The following C1RL variants were observed in gnomAD, a reference collection of about 807,000 sequenced individuals.
The protein encoded by C1RL is complement C1r subcomponent-like protein.
In C1RL, 27 loss-of-function variants were observed where a neutral mutation model predicts 27.9. The observed-to-expected ratio is 0.97, with a 90% CI of 0.71 to 1.33. The LOEUF is 1.33. Ranked by LOEUF, C1RL falls within the 40% of genes most tolerant of loss-of-function variation. The probability of loss-of-function intolerance (pLI) is 0.00; values close to 1 mark genes in which losing one functional copy is unlikely to be tolerated. For synonymous variants in C1RL, 248 were observed against 252.1 expected (o/e 0.98, Z 0.15); for missense variants, 563 against 623.9 (o/e 0.90, Z 1.04).
chr12:7,096,281 C>CA lies in C1RL; in HGVS notation c.*109_*110insT. The CA allele has an allele frequency of 2.6e-6, 1 of 389,914 alleles. No homozygotes were observed. 24.2% of individuals were successfully genotyped at this position (389,914 alleles called of 1,614,324 possible). Reference sequence around the variant, plus strand: ...TGATGTGAATAGGATTTCCCTGCCTCCCCCAACCCCCCACCCCCAACCCCT... The same window carrying CA: ...TGATGTGAATAGGATTTCCCTGCCTCACCCCAACCCCCCACCCCCAACCCCT... On this transcript the variant is annotated 3_prime_UTR_variant, in exon 6 of 6. Transcript: ENST00000266542.
intron 5 of C1RL, among the ~76,000 whole-genome samples, chr12:7,098,718 A>G (rs1938525190): frequency 6.6e-6 from 1 of 152,236 alleles, no homozygotes; most frequent in African/African-American, 2.4e-5. Context: ...ATGGCCACAC[A>G]TTATATGATT....
intron 3 of C1RL, among the ~76,000 whole-genome samples, chr12:7,100,758 G>T (rs569530413): frequency 1.3e-5 from 2 of 152,294 alleles, no homozygotes; most frequent in East Asian, 3.9e-4. Context: ...CTGCACTCCA[G>T]CCTGGGCAAT....
chr12:7,102,686 T>A (rs1412994800), intron 2 of C1RL, among the ~76,000 whole-genome samples: 1 of 152,190 alleles, frequency 6.6e-6, no homozygotes. Flanking sequence ...GCCCCTCCTC[T>A]TATCCCATGC....
Position 7,096,898 on chromosome 12 carries a change from G to A in C1RL, c.957C>T (p.Val319=), listed in dbSNP as rs1565634719. ...DEMLKLGNHP[V]HRVVVHPDYR... ...AGTCGGGGTGCACAACGACACGGTG[G>A]ACAGGGTGGTTCCCCAGTTTCAGCA... The change falls in exon 6 of 6, where the codon GTC becomes GTT. Residue 319 remains valine, a synonymous_variant. Transcript: ENST00000266542. 1 of 1,601,600 alleles carries A rather than the reference G, an allele frequency of 6.2e-7. No homozygotes were observed. The highest frequency in any genetic ancestry group is 1.7e-5 in the Admixed American group (1 of 59,326).
At chr12:7,097,346 G>A in intron 5 of C1RL, 183 bp from the exon 6 acceptor site, 2 of 569,720 alleles carry the variant, frequency 3.5e-6, no homozygotes, top group East Asian at 3.2e-5. Context: ...GTACTTGCGC[G>A]ATCTCGGCTC....
intron 2 of C1RL, 50 bp downstream of exon 2, chr12:7,108,201 G>T: frequency 7.1e-7 from 1 of 1,416,594 alleles, no homozygotes. Context: ...ACAACCCCGG[G>T]AATCTCCCTG....
chr12:7,102,610 TA>T (rs1218061033), intron 2 of C1RL, among the ~76,000 whole-genome samples: 3 of 152,222 alleles, frequency 2.0e-5, no homozygotes, highest in African/African-American at 4.8e-5. Context: ...TGTGAGGCAG[TA>T]ATACCCTCTG....
chr12:7,100,112 GCA>G, intron 3 of C1RL, 86 bp from the exon 4 acceptor site: 1 of 1,315,260 alleles, frequency 7.6e-7, no homozygotes, highest in Non-Finnish European at 1.0e-6. Context: ...GGTTTGACTT[GCA>G]CAGTGTTTTA....
chr12:7,107,732 C>T (rs936772530), intron 2 of C1RL, among the ~76,000 whole-genome samples: 1 of 152,220 alleles, frequency 6.6e-6, no homozygotes, highest in Non-Finnish European at 1.5e-5. Flanking sequence ...CCTGACTATA[C>T]TGCTGGGACT....
chr12:7,101,111 CTCCCTCCCTCCCTCCTTCT>C (rs1938608588), intron 3 of C1RL, among the ~76,000 whole-genome samples: 2 of 11,150 alleles, frequency 1.8e-4, no homozygotes, highest in African/African-American at 7.4e-4. Flanking sequence ...CCTTCCTTCC[CTCCCTCCCTCCCTCCTTCT>C]TCCCTCCCTC....
At position 7,095,533 on chromosome 12, in the gene C1RL, C is replaced by G. The variant is rs910039981; in HGVS notation, c.*858G>C. 1.0e-6 allele frequency: 1 copy of G among 985,920 alleles called. No individual in the cohort carries two copies. The highest frequency in any genetic ancestry group is 1.2e-6 in the Non-Finnish European group (1 of 830,344). The allele number at this position is 985,920 out of a possible 1,614,324, so 61.1% of individuals were successfully genotyped here. On this transcript the variant is annotated 3_prime_UTR_variant, in exon 6 of 6. Transcript: ENST00000266542. ...AACTTCAGTCCAGTGCTGGGCTCAC[C>G]TGGCTTCTGCAGGAGATGGGGCCAT...
At chr12:7,107,946 T>A (rs904537572) in intron 2 of C1RL, 4 of 309,178 alleles carry the variant, frequency 1.3e-5, no homozygotes, top group African/African-American at 6.4e-5. Context: ...ACAACCAATA[T>A]GTGCGTCCCT....
At chr12:7,097,284 T>G (rs1938476069) in intron 5 of C1RL, 121 bp from the exon 6 acceptor site, 1 of 45,376 alleles carries the variant, frequency 2.2e-5, no homozygotes, top group East Asian at 2.1e-3. Flanking sequence ...GATCAGGACG[T>G]TTTTTTTTTT....
intron 3 of C1RL, among the ~76,000 whole-genome samples, chr12:7,100,335 T>G (rs1395209396): frequency 1.3e-5 from 2 of 152,184 alleles, no homozygotes; most frequent in African/African-American, 2.4e-5. Context: ...TTTAACCTAC[T>G]CCATTTCTAA....
chr12:7,101,305 G>T (rs936795982), intron 3 of C1RL, among the ~76,000 whole-genome samples: 1 of 140,418 alleles, frequency 7.1e-6, no homozygotes, highest in Non-Finnish European at 1.5e-5. Context: ...TAGTTTCTCC[G>T]TGTCTCCCAG....
intron 4 of C1RL, 35 bp downstream of exon 4, chr12:7,099,866 G>T: frequency 6.2e-7 from 1 of 1,613,200 alleles, no homozygotes; most frequent in Non-Finnish European, 8.5e-7. Flanking sequence ...GGAATGAGGT[G>T]GATGGAAGCC....
Position 7,094,674 on chromosome 12 carries a change from T to C in C1RL, c.*1717A>G, listed in dbSNP as rs1565633189. The C allele has an allele frequency of 2.0e-6, 2 of 980,548 alleles. No individual in the cohort carries two copies. The highest frequency in any genetic ancestry group is 3.5e-5 in the African/African-American group (2 of 57,122). The allele number at this position is 980,548 out of a possible 1,614,324, so 60.7% of individuals were successfully genotyped here. A position where few individuals can be genotyped will look rare whatever the true frequency, so the allele number is the denominator to read the frequency against. On this transcript the variant is annotated 3_prime_UTR_variant, in exon 6 of 6. Transcript: ENST00000266542. Reference sequence around the variant, plus strand: ...TGCTCATTAAACAAATTTTAGCCAATAGAGAATAGTGGAAAACCAAACAGC... The same window carrying C: ...TGCTCATTAAACAAATTTTAGCCAACAGAGAATAGTGGAAAACCAAACAGC...
Position 7,096,012 on chromosome 12 carries a change from C to T in C1RL, c.*379G>A, listed in dbSNP as rs1029759777. 25 of 1,018,048 alleles carry T rather than the reference C, an allele frequency of 2.5e-5. No individual in the cohort carries two copies. In the African/African-American group the frequency reaches 2.9e-4, roughly 12 times the overall value. The allele number at this position is 1,018,048 out of a possible 1,614,324, so 63.1% of individuals were successfully genotyped here. On this transcript the variant is annotated 3_prime_UTR_variant, in exon 6 of 6. Transcript: ENST00000266542. ...AACCCCTTCCTCCATACTCTAATAG[C>T]GGGTGAGTAGCTGACTCTTCCACAG...
intron 2 of C1RL, among the ~76,000 whole-genome samples, chr12:7,107,390 A>G (rs891693953): frequency 2.6e-5 from 4 of 151,778 alleles, no homozygotes; most frequent in African/African-American, 9.7e-5. Context: ...GGCTGGTCTC[A>G]AATTCCTGGG....
Sources: allele counts gnomAD v4.1 joint callset (sites outside exome capture counted in the v4.1 genomes callset), GRCh38; gene constraint gnomAD v4.1.1; transcripts MANE v1.5; gene names NCBI Gene and HGNC (gene_info 2026-07-23, HGNC 2026-07-21).